JRK: variants seen among roughly 807,000 people sequenced by gnomAD.
JRK encodes Jrk helix-turn-helix protein, also known as jerky protein homolog.
For missense variants in JRK, 720 were observed against 509.2 expected, an observed-to-expected ratio of 1.41 and a Z score of -3.98; for synonymous variants, 303 against 218.1, an observed-to-expected ratio of 1.39 and a Z score of -3.43.
At chr8:142,649,037 T>C in the JRK span, among the ~76,000 whole-genome samples, 1 of 152,340 alleles carries the variant, frequency 6.6e-6, no homozygotes, top group African/African-American at 2.4e-5. Flanking sequence ...ATAGGGCCTG[T>C]TTCAGCCAAT....
At chr8:142,667,899 G>A (rs891268310) in intron 1 of JRK, among the ~76,000 whole-genome samples, 4 of 152,192 alleles carry the variant, frequency 2.6e-5, no homozygotes, top group Non-Finnish European at 4.4e-5. Flanking sequence ...CACCCGAGCC[G>A]ACTGGCAGGG....
chr8:142,648,801 C>T, the JRK span, among the ~76,000 whole-genome samples: 3 of 152,216 alleles, frequency 2.0e-5, no homozygotes, highest in Admixed American at 2.0e-4. Flanking sequence ...ATGGTAGATC[C>T]ACTGACAGCT....
chr8:142,654,672 CAG>C (rs1448925421), downstream of JRK, among the ~76,000 whole-genome samples: 1 of 151,746 alleles, frequency 6.6e-6, no homozygotes, highest in East Asian at 1.9e-4. Flanking sequence ...CTCCCCACCC[CAG>C]AGTCAGGCAC....
chr8:142,655,128 G>A (rs766006127), downstream of JRK, among the ~76,000 whole-genome samples: 16 of 152,158 alleles, frequency 1.1e-4, no homozygotes, highest in Non-Finnish European at 1.9e-4. Flanking sequence ...CCCTTGAGAT[G>A]GGTCCTAGTA....
At chr8:142,646,147 CTAAAT>C in the JRK span, among the ~76,000 whole-genome samples, 1 of 152,164 alleles carries the variant, frequency 6.6e-6, no homozygotes, top group African/African-American at 2.4e-5. Context: ...AATTGTTCAC[CTAAAT>C]TATTTATGAA....
Position 142,659,819 on chromosome 8 carries a change from C to T in JRK, c.*4533G>A. 1 of 985,630 alleles carries T rather than the reference C, an allele frequency of 1.0e-6. No individual in the cohort carries two copies. The highest frequency in any genetic ancestry group is 1.2e-6 in the Non-Finnish European group (1 of 830,070). The allele number at this position is 985,630 out of a possible 1,614,324, so 61.1% of individuals were successfully genotyped here. ...ATTAGGAGCAGGTAGCCCTGGGTCTCCCTCTGCCCTCAGCAACTTCACACC... is the reference window on the plus strand; with the variant it reads ...ATTAGGAGCAGGTAGCCCTGGGTCTTCCTCTGCCCTCAGCAACTTCACACC... On this transcript the variant is annotated 3_prime_UTR_variant, in exon 2 of 2. Coordinates refer to ENST00000612905, the MANE Select transcript of JRK (RefSeq NM_003724.4).
chr8:142,666,333 G>T lies in JRK; in HGVS notation c.-275C>A, dbSNP rs6997771. ...CAGTCAGCTGCCAATTCTCTCTGTG[G>T]AGGAGGTGACCCTGTCAGACTCCCC... On this transcript the variant is annotated 5_prime_UTR_variant, in exon 2 of 2. Transcript: ENST00000612905. The T allele has an allele frequency of 0.59, 327,539 of 559,294 alleles. 98,792 individuals are homozygous for T. Among genetic ancestry groups the T allele is most frequent in the Admixed American group, 0.68 (21,890 of 32,346 alleles). 34.6% of individuals were successfully genotyped at this position (559,294 alleles called of 1,614,324 possible). A position where few individuals can be genotyped will look rare whatever the true frequency, so the allele number is the denominator to read the frequency against.
chr8:142,652,014 G>A, the JRK span, among the ~76,000 whole-genome samples: 1 of 151,646 alleles, frequency 6.6e-6, no homozygotes, highest in African/African-American at 2.4e-5. Flanking sequence ...CCAAAAAAAG[G>A]GGGGGTGGTG....
downstream of JRK, among the ~76,000 whole-genome samples, chr8:142,657,119 G>T (rs905157419): frequency 6.6e-6 from 1 of 152,184 alleles, no homozygotes; most frequent in Non-Finnish European, 1.5e-5. Context: ...TACAGAAACT[G>T]GAGGAGCTCA....
chr8:142,664,224 A>C lies in JRK; in HGVS notation c.*128T>G, dbSNP rs938975741. On this transcript the variant is annotated 3_prime_UTR_variant, in exon 2 of 2. Coordinates refer to ENST00000612905, the MANE Select transcript of JRK (RefSeq NM_003724.4). ...CCCGAGCCACACCCGTGGGCGACCCACTCCTGGAAGGGCTCTTGAGTGTCT... is the reference window on the plus strand; with the variant it reads ...CCCGAGCCACACCCGTGGGCGACCCCCTCCTGGAAGGGCTCTTGAGTGTCT... The C allele has an allele frequency of 4.7e-5, 66 of 1,415,312 alleles. No homozygotes were observed. Among genetic ancestry groups the C allele is most frequent in the South Asian group, 2.4e-4 (14 of 57,724 alleles). The allele number at this position is 1,415,312 out of a possible 1,614,324, so 87.7% of individuals were successfully genotyped here.
In JRK at chr8:142,660,200, C is replaced by T; in HGVS notation, c.*4152G>A. 1.0e-6 allele frequency: 1 copy of T among 985,480 alleles called. No individual in the cohort carries two copies. Among genetic ancestry groups the T allele is most frequent in the Non-Finnish European group, 1.2e-6 (1 of 829,988 alleles). 61.0% of individuals were successfully genotyped at this position (985,480 alleles called of 1,614,324 possible). Reference sequence around the variant, plus strand: ...CCAACGCAGTGCCCGAGAGCTCAGCCCTTGTCAAGGAGAGTCCTCGAACCC... The same window carrying T: ...CCAACGCAGTGCCCGAGAGCTCAGCTCTTGTCAAGGAGAGTCCTCGAACCC... On this transcript the variant is annotated 3_prime_UTR_variant, in exon 2 of 2. Transcript: ENST00000612905.
In JRK at chr8:142,662,611, A is replaced by C. The variant is rs1380149121; in HGVS notation, c.*1741T>G. Reference sequence around the variant, plus strand: ...TGGCTTTTATAATCTTCACACATGCATTCAAAGCAAGAAACACACACTTCC... The same window carrying C: ...TGGCTTTTATAATCTTCACACATGCCTTCAAAGCAAGAAACACACACTTCC... On this transcript the variant is annotated 3_prime_UTR_variant, in exon 2 of 2. Coordinates refer to ENST00000612905, the MANE Select transcript of JRK (RefSeq NM_003724.4). 4.1e-6 allele frequency: 4 copies of C among 985,334 alleles called. No homozygotes were observed. The highest frequency in any genetic ancestry group is 3.5e-5 in the African/African-American group (2 of 57,228). The allele number at this position is 985,334 out of a possible 1,614,324, so 61.0% of individuals were successfully genotyped here.
At chr8:142,656,804 G>C (rs1846762587), downstream of JRK, among the ~76,000 whole-genome samples, 1 of 152,176 alleles carries the variant, frequency 6.6e-6, no homozygotes, top group African/African-American at 2.4e-5. Context: ...CTGAGCGTTT[G>C]GTGGGAGGGG....
chr8:142,655,674 G>A (rs587634989), downstream of JRK, among the ~76,000 whole-genome samples: 1 of 152,334 alleles, frequency 6.6e-6, no homozygotes, highest in South Asian at 2.1e-4. Flanking sequence ...AATGGGGATG[G>A]CACTAGTGAC....
downstream of JRK, among the ~76,000 whole-genome samples, chr8:142,656,299 C>A (rs4567014): frequency 4.6e-5 from 7 of 151,698 alleles, no homozygotes; most frequent in East Asian, 1.9e-4. Flanking sequence ...CATTTCCCAC[C>A]CCACATCCCA....
rs1846805212 is a variant in JRK at position 142,658,354 on chromosome 8, T to A, written c.*5998A>T. The A allele has an allele frequency of 1.3e-5, 2 of 152,202 alleles. No homozygotes were observed. The highest frequency in any genetic ancestry group is 2.9e-5 in the Non-Finnish European group (2 of 68,150). 9.4% of individuals were successfully genotyped at this position (152,202 alleles called of 1,614,324 possible). A position where few individuals can be genotyped will look rare whatever the true frequency, so the allele number is the denominator to read the frequency against. On this transcript the variant is annotated 3_prime_UTR_variant, in exon 2 of 2. Transcript: ENST00000612905. ...TGGCAGTCTGGTGTCGGCTGAAGGCTTTCTCATTTGCAGATGGCAATTTTC... is the reference window on the plus strand; with the variant it reads ...TGGCAGTCTGGTGTCGGCTGAAGGCATTCTCATTTGCAGATGGCAATTTTC...
At chr8:142,668,225 G>A (rs781987697) in intron 1 of JRK, among the ~76,000 whole-genome samples, 5 of 152,224 alleles carry the variant, frequency 3.3e-5, no homozygotes, top group Non-Finnish European at 7.3e-5. Flanking sequence ...CATGTGGAGC[G>A]CAGAAACGCA....
chr8:142,643,704 G>T, the JRK span, among the ~76,000 whole-genome samples: 1 of 152,172 alleles, frequency 6.6e-6, no homozygotes, highest in African/African-American at 2.4e-5. Context: ...GCTTTTATTG[G>T]CTCTGTAAGT....
chr8:142,669,312 C>G (rs587670096), intron 1 of JRK, among the ~76,000 whole-genome samples: 2 of 151,878 alleles, frequency 1.3e-5, no homozygotes, highest in East Asian at 3.9e-4. Flanking sequence ...GAGTATGGGA[C>G]AGAGAAGGAG....
Sources: gnomAD v4.1 joint callset for allele counts (sites outside exome capture counted in the v4.1 genomes callset) on GRCh38, gnomAD v4.1.1 for gene constraint, MANE v1.5 for transcripts, NCBI Gene and HGNC (gene_info 2026-07-23, HGNC 2026-07-21) for gene names.